Variants in WDFY3 observed in about 807,000 individuals in gnomAD.
WDFY3 encodes WD repeat and FYVE domain-containing protein 3.
WDFY3 carries 66 observed loss-of-function variants against 409.6 expected under a neutral mutation model. The observed-to-expected ratio is 0.16, with a 90% confidence interval of 0.13 to 0.20. The LOEUF (loss-of-function observed/expected upper bound fraction) is 0.20. WDFY3 is among the 10% of genes least tolerant of loss of function. WDFY3 has a pLI of 1.00. For synonymous variants in WDFY3, 1,521 were observed against 1,537.1 expected, an observed-to-expected ratio of 0.99 and a Z score of 0.25; for missense variants, 3,031 against 4,298.1, an observed-to-expected ratio of 0.71 and a Z score of 8.24.
chr4:84,964,593 T>G (rs1775385265), intron 1 of WDFY3, among the ~76,000 whole-genome samples: 1 of 152,254 alleles, frequency 6.6e-6, no homozygotes. Flanking sequence ...AAATATACTG[T>G]CATTTACTTT....
At chr4:84,785,720 A>G (rs761106052) in intron 24 of WDFY3, among the ~76,000 whole-genome samples, 17 of 152,226 alleles carry the variant, frequency 1.1e-4, no homozygotes, top group Non-Finnish European at 1.9e-4. Flanking sequence ...AGTTTTCTAA[A>G]GTTAAATTTC....
chr4:84,683,190 C>T lies in WDFY3; in HGVS notation c.9727-720G>A, dbSNP rs531234125. On this transcript the variant is annotated intron_variant, in intron 63 of 67. Transcript: ENST00000295888. ...ATACCACTGTCGAGGAAGCAGACTC[C>T]AGGGTGTGTGTGTTTGTGAGTTTTT... is the stretch of plus-strand genomic sequence containing the variant. Among the ~76,000 whole-genome samples the T allele has an allele frequency of 3.3e-5, 5 of 152,202 alleles. No individual in the cohort carries two copies. In the South Asian group the frequency reaches 1.0e-3, roughly 32 times the overall value.
chr4:84,915,967 T>C (rs536657206), intron 2 of WDFY3, among the ~76,000 whole-genome samples: 7 of 152,320 alleles, frequency 4.6e-5, no homozygotes, highest in African/African-American at 1.7e-4. Context: ...ACCTGTTTCA[T>C]AATAAACTTA....
chr4:84,896,303 C>CA (rs1561026938), intron 3 of WDFY3, among the ~76,000 whole-genome samples: 1 of 151,392 alleles, frequency 6.6e-6, no homozygotes, highest in Non-Finnish European at 1.5e-5. Context: ...AAATGTAAAG[C>CA]AAAAAAATCC....
rs1298452681 is a variant in WDFY3 at position 84,808,331 on chromosome 4, T to C, written c.2429+3A>G. On this transcript the variant is annotated splice_donor_region_variant and intron_variant, in intron 15 of 67. Coordinates refer to ENST00000295888, the MANE Select transcript of WDFY3 (RefSeq NM_014991.6). ...AGACTGACTTCTCTTATATGATCAG[T>C]ACCTTTTCCTGGACAAAGCTGGTGT... 6.2e-7 allele frequency: 1 copy of C among 1,612,536 alleles called. No homozygotes were observed. Among genetic ancestry groups the C allele is most frequent in the Non-Finnish European group, 8.5e-7 (1 of 1,178,824 alleles).
intron 2 of WDFY3, among the ~76,000 whole-genome samples, chr4:84,923,849 A>C (rs1024596668): frequency 3.3e-5 from 5 of 152,152 alleles, no homozygotes; most frequent in African/African-American, 1.2e-4. Context: ...AAATACAAAA[A>C]TTAGCCAGTT....
In WDFY3 at chr4:84,810,116, A is replaced by T. The variant is rs1183912046; in HGVS notation, c.2116T>A (p.Phe706Ile). ...TTCTCATACTGAATCTCTGTTTTGA[A>T]GAAATGAGAGTTGGCTGGCTCATAG... Reference protein sequence around the residue: ...MRYEPANSHFFKTEIQYEKLA... With the variant: ...MRYEPANSHFIKTEIQYEKLA... Residue 706 changes from phenylalanine to isoleucine, a missense_variant, in exon 14 of 68, where the codon TTC becomes ATC. Physicochemically the swap from Phe to Ile is conservative, Grantham distance 21. Coordinates refer to ENST00000295888, the MANE Select transcript of WDFY3 (RefSeq NM_014991.6). 1 of 1,614,190 alleles carries T rather than the reference A, an allele frequency of 6.2e-7. No homozygotes were observed. Among genetic ancestry groups the T allele is most frequent in the East Asian group, 2.2e-5 (1 of 44,888 alleles).
chr4:84,877,584 C>T (rs1417073298), intron 3 of WDFY3, among the ~76,000 whole-genome samples: 1 of 152,210 alleles, frequency 6.6e-6, no homozygotes, highest in African/African-American at 2.4e-5. Context: ...AAGGTGTGAG[C>T]CACTGTGCCT....
chr4:84,844,609 T>C lies in WDFY3; in HGVS notation c.305-3346A>G, dbSNP rs934085807. The C allele has an allele frequency of 1.6e-5, 15 of 950,364 alleles. No individual in the cohort carries two copies. In the Admixed American group the frequency reaches 2.5e-4, roughly 16 times the overall value. 58.9% of individuals were successfully genotyped at this position (950,364 alleles called of 1,614,324 possible). On this transcript the variant is annotated intron_variant, in intron 5 of 67. Transcript: ENST00000295888. The stretch of plus-strand genomic sequence containing the variant: ...GGGTCAACATCATCCAGTCTCTCCA[T>C]TGCTGGATTGCTGCCCATATTGGGG...
At chr4:84,868,397 A>G (rs1188337863) in intron 3 of WDFY3, among the ~76,000 whole-genome samples, 1 of 152,024 alleles carries the variant, frequency 6.6e-6, no homozygotes, top group African/African-American at 2.4e-5. Flanking sequence ...ACAAACAAAC[A>G]AAAACAAGTT....
chr4:84,926,257 C>G (rs1769978107), intron 2 of WDFY3, among the ~76,000 whole-genome samples: 1 of 147,876 alleles, frequency 6.8e-6, no homozygotes, highest in African/African-American at 2.5e-5. Flanking sequence ...AAACATCAGG[C>G]TCTATTTAAT....
At chr4:84,871,845 G>A (rs950492718) in intron 3 of WDFY3, among the ~76,000 whole-genome samples, 27 of 152,092 alleles carry the variant, frequency 1.8e-4, no homozygotes, top group African/African-American at 6.3e-4. Context: ...ATGTTTCCCA[G>A]GCTAGTCTCA....
At chr4:84,788,190 T>A (rs959121256) in intron 22 of WDFY3, among the ~76,000 whole-genome samples, 4 of 152,204 alleles carry the variant, frequency 2.6e-5, no homozygotes, top group African/African-American at 9.6e-5. Flanking sequence ...GTATAAGAGA[T>A]AAAGAACTTA....
chr4:84,724,361 G>T, intron 46 of WDFY3, 65 bp downstream of exon 46: 1 of 1,528,412 alleles, frequency 6.5e-7, no homozygotes, highest in South Asian at 1.3e-5. Context: ...TCAAATTTTT[G>T]TATGAATTCA....
chr4:84,867,843 GCTAAGTGAAAT>G, intron 3 of WDFY3, among the ~76,000 whole-genome samples: 1 of 152,100 alleles, frequency 6.6e-6, no homozygotes, highest in Non-Finnish European at 1.5e-5. Flanking sequence ...AGCTCATATG[GCTAAGTGAAAT>G]CTTACAGTTT....
chr4:84,937,378 C>G (rs148586699), intron 1 of WDFY3, among the ~76,000 whole-genome samples: 75 of 152,238 alleles, frequency 4.9e-4, no homozygotes, highest in African/African-American at 1.7e-3. Context: ...CTCCTCTTCT[C>G]CCTGACCTTT....
chr4:84,747,689 T>C (rs367689523), intron 36 of WDFY3, among the ~76,000 whole-genome samples: 2 of 152,086 alleles, frequency 1.3e-5, no homozygotes, highest in African/African-American at 4.8e-5. Flanking sequence ...GTTCTTGTGA[T>C]AGTGAGTGAG....
rs1379750126 is a variant in WDFY3 at position 84,669,839 on chromosome 4, C to G, written c.*3029G>C. ...CTTCTGTTGCTGTACAAATAATTGG[C>G]CATTACTAGGGCTTACAAGTTAATA... On this transcript the variant is annotated 3_prime_UTR_variant, in exon 68 of 68. Transcript: ENST00000295888. 1 of 151,876 alleles carries G rather than the reference C, an allele frequency of 6.6e-6. No individual in the cohort carries two copies. The highest frequency in any genetic ancestry group is 1.5e-5 in the Non-Finnish European group (1 of 67,954). 9.4% of individuals were successfully genotyped at this position (151,876 alleles called of 1,614,324 possible).
intron 3 of WDFY3, among the ~76,000 whole-genome samples, chr4:84,876,534 G>C (rs1215801615): frequency 6.6e-6 from 1 of 151,952 alleles, no homozygotes; most frequent in East Asian, 1.9e-4. Context: ...AGTAAGAGAG[G>C]GCTATTATTA....
Sources: allele counts gnomAD v4.1 joint callset (sites outside exome capture counted in the v4.1 genomes callset), GRCh38; gene constraint gnomAD v4.1.1; transcripts MANE v1.5; gene names NCBI Gene and HGNC (gene_info 2026-07-23, HGNC 2026-07-21).